The following ANKRD33 variants were observed in gnomAD, a reference collection of about 807,000 sequenced individuals.
ANKRD33 encodes photoreceptor ankyrin repeat protein.
In ANKRD33, 20 loss-of-function variants were observed where a neutral mutation model predicts 20.6. That is an observed-to-expected ratio of 0.97 (90% CI 0.68 to 1.41). The LOEUF (loss-of-function observed/expected upper bound fraction) is 1.41, where lower values mean the gene tolerates loss of function less well. Ranked by LOEUF, ANKRD33 falls within the 40% of genes most tolerant of loss-of-function variation. The pLI is 0.00. For missense variants in ANKRD33, 545 were observed against 579.6 expected (o/e 0.94, Z 0.61); for synonymous variants, 246 against 245.0 (o/e 1.00, Z -0.04).
Position 51,891,389 on chromosome 12 carries a change from C to A in ANKRD33, c.*84C>A. 6.6e-7 allele frequency: 1 copy of A among 1,504,146 alleles called. No individual in the cohort carries two copies. The highest frequency in any genetic ancestry group is 1.3e-5 in the South Asian group (1 of 77,694). The allele number at this position is 1,504,146 out of a possible 1,614,324, so 93.2% of individuals were successfully genotyped here. A position where few individuals can be genotyped will look rare whatever the true frequency, so the allele number is the denominator to read the frequency against. ...TCCCCTCTGGAGTGCCTCCGGCCTCCCCATCCACCTCTGCCTAAGTAAATC... is the reference window on the plus strand; with the variant it reads ...TCCCCTCTGGAGTGCCTCCGGCCTCACCATCCACCTCTGCCTAAGTAAATC... On this transcript the variant is annotated 3_prime_UTR_variant, in exon 5 of 5. Coordinates refer to ENST00000301190, the MANE Select transcript of ANKRD33 (RefSeq NM_182608.4).
In ANKRD33 at chr12:51,891,413, TC is replaced by T. The variant is rs1182369559; in HGVS notation, c.*109del. The stretch of plus-strand genomic sequence containing the variant: ...CCCCATCCACCTCTGCCTAAGTAAA[TC>T]TGCTCTCAACCTATATATATACAAG... On this transcript the variant is annotated 3_prime_UTR_variant, in exon 5 of 5. Coordinates refer to ENST00000301190, the MANE Select transcript of ANKRD33 (RefSeq NM_182608.4). 2.8e-6 allele frequency: 4 copies of T among 1,450,180 alleles called. No individual in the cohort carries two copies. Among genetic ancestry groups the T allele is most frequent in the Non-Finnish European group, 2.7e-6 (3 of 1,098,326 alleles). 89.8% of individuals were successfully genotyped at this position (1,450,180 alleles called of 1,614,324 possible). A position where few individuals can be genotyped will look rare whatever the true frequency, so the allele number is the denominator to read the frequency against.
In ANKRD33 at chr12:51,891,495, C is replaced by T. The variant is rs1250059530; in HGVS notation, c.*190C>T. The T allele has an allele frequency of 3.0e-6, 3 of 996,866 alleles. No individual in the cohort carries two copies. In the African/African-American group the frequency reaches 4.9e-5, roughly 16 times the overall value. 61.8% of individuals were successfully genotyped at this position (996,866 alleles called of 1,614,324 possible). ...GAAAGAGTGGAAACACCCGAAGTGTCCATCAGTAAGGGACAGGCTAGATTG... is the reference window on the plus strand; with the variant it reads ...GAAAGAGTGGAAACACCCGAAGTGTTCATCAGTAAGGGACAGGCTAGATTG... On this transcript the variant is annotated 3_prime_UTR_variant, in exon 5 of 5. Coordinates refer to ENST00000301190, the MANE Select transcript of ANKRD33 (RefSeq NM_182608.4).
chr12:51,890,661 A>G lies in ANKRD33; in HGVS notation c.715A>G (p.Thr239Ala), dbSNP rs747283690. ...EWAVLTDSFD[T>A]VWRIRQLLRR... ...GGCAGTGCTGACCGACAGCTTCGACACCGTGTGGAGGATTCGGCAGCTGCT... is the reference window on the plus strand; with the variant it reads ...GGCAGTGCTGACCGACAGCTTCGACGCCGTGTGGAGGATTCGGCAGCTGCT... Residue 239 changes from threonine (T) to alanine (A), a missense_variant, in exon 5 of 5, where the codon ACC (threonine) becomes GCC (alanine). Transcript: ENST00000301190. 1 of 1,607,646 alleles carries G rather than the reference A, an allele frequency of 6.2e-7. No individual in the cohort carries two copies. Among genetic ancestry groups the G allele is most frequent in the Non-Finnish European group, 8.5e-7 (1 of 1,179,986 alleles).
At chr12:51,888,982 T>G in intron 2 of ANKRD33, 85 bp from the exon 3 acceptor site, 1 of 1,596,252 alleles carries the variant, frequency 6.3e-7, no homozygotes, top group Admixed American at 1.7e-5. Context: ...GGGCAGGCTC[T>G]GGGACAGATA....
At position 51,888,190 on chromosome 12, in the gene ANKRD33, A is replaced by G. The variant is rs1272320651; in HGVS notation, c.4A>G (p.Lys2Glu). The G allele has an allele frequency of 5.0e-6, 8 of 1,613,714 alleles. No homozygotes were observed. In the Admixed American group the frequency reaches 1.3e-4, roughly 27 times the overall value. The change falls in exon 1 of 5, where the codon AAA becomes GAA. Residue 2 changes from lysine (K) to glutamate (E), a missense_variant. By Grantham distance (56) the Lys-to-Glu change is moderately conservative (BLOSUM62 1). Transcript: ENST00000301190. M[K>E]VQPSVTCVAS... ...GAGGTGTTTGCAGCAGCTCTTTATG[A>G]AAGTCCAGCCATCTGTTACCTGCGT...
chr12:51,891,197 G>A lies in ANKRD33; in HGVS notation c.1251G>A (p.Lys417=). ...CATCCTCCCACCAGTGCCAGCCGAA[G>A]CCCAGTCCTTCAGGACACCAAAGTC... ...ASSSSHQCQP[K]PSPSGHQSLA... is the part of the protein sequence containing the mutation. The change falls in exon 5 of 5, where the codon AAG becomes AAA. Residue 417 remains lysine (K), a synonymous_variant. Transcript: ENST00000301190. 1.2e-6 allele frequency: 2 copies of A among 1,614,274 alleles called. No homozygotes were observed. Among genetic ancestry groups the A allele is most frequent in the South Asian group, 1.1e-5 (1 of 91,088 alleles).
rs749504848 is a variant in ANKRD33, at chr12:51,888,697, C to T, written c.275C>T (p.Pro92Leu). 6.2e-7 allele frequency: 1 copy of T among 1,613,450 alleles called. No individual in the cohort carries two copies. Among genetic ancestry groups the T allele is most frequent in the Admixed American group, 1.7e-5 (1 of 59,894 alleles). Residue 92 changes from proline (P) to leucine (L), a missense_variant, in exon 2 of 5, where the codon CCA becomes CTA. Pro to Leu is a moderately conservative substitution (Grantham distance 98). Coordinates refer to ENST00000301190, the MANE Select transcript of ANKRD33 (RefSeq NM_182608.4). The part of the protein sequence containing the change: ...LPCPGKETPT[P>L]GCRLGALYWA... ...TGCCCGGGCAAGGAGACCCCCACCCCAGGCTGCAGGCTGGGGGCCCTGTAT... is the reference window on the plus strand; with the variant it reads ...TGCCCGGGCAAGGAGACCCCCACCCTAGGCTGCAGGCTGGGGGCCCTGTAT...
At chr12:51,889,593 T>C in intron 4 of ANKRD33, 111 bp downstream of exon 4, 1 of 1,478,946 alleles carries the variant, frequency 6.8e-7, no homozygotes, top group Non-Finnish European at 9.0e-7. Flanking sequence ...CAGCTGTGAT[T>C]ATTTGCAGAA....
At chr12:51,889,802 C>T (rs1046329300) in intron 4 of ANKRD33, 7 of 417,820 alleles carry the variant, frequency 1.7e-5, no homozygotes, top group Non-Finnish European at 3.0e-5. Flanking sequence ...GCATCTGGAA[C>T]CAGCCCCTGT....
At position 51,888,304 on chromosome 12, in the gene ANKRD33, T is replaced by A; in HGVS notation, c.118T>A (p.Cys40Ser). The A allele has an allele frequency of 6.2e-7, 1 of 1,612,470 alleles. No individual in the cohort carries two copies. Among genetic ancestry groups the A allele is most frequent in the South Asian group, 1.1e-5 (1 of 91,056 alleles). The change falls in exon 1 of 5, where the codon TGC becomes AGC. Residue 40 changes from cysteine (C) to serine (S), a missense_variant. Physicochemically the swap from Cys to Ser is moderately radical, Grantham distance 112. Transcript: ENST00000301190. ...AGCCTGGGCTGTGCCCCGCGTTGACTGCCTCATAGATACCCTACGAACCCC... is the reference window on the plus strand; with the variant it reads ...AGCCTGGGCTGTGCCCCGCGTTGACAGCCTCATAGATACCCTACGAACCCC... ...RGAWAVPRVD[C>S]LIDTLRTPNA...
Position 51,891,071 on chromosome 12 carries a change from C to T in ANKRD33, c.1125C>T (p.Ser375=), listed in dbSNP as rs758185417. The T allele has an allele frequency of 2.5e-6, 4 of 1,614,064 alleles. No individual in the cohort carries two copies. The highest frequency in any genetic ancestry group is 3.4e-6 in the Non-Finnish European group (4 of 1,180,004). The change falls in exon 5 of 5, where the codon AGC becomes AGT. Residue 375 remains serine, a synonymous_variant. Transcript: ENST00000301190. ...RSPWVFVPYQ[S]PQGILSKCLQ... Reference sequence around the variant, plus strand: ...CGTGGGTCTTCGTCCCCTACCAGAGCCCTCAGGGCATATTGAGCAAGTGCC... The same window carrying T: ...CGTGGGTCTTCGTCCCCTACCAGAGTCCTCAGGGCATATTGAGCAAGTGCC...
Position 51,891,452 on chromosome 12 carries a change from A to T in ANKRD33, c.*147A>T. The T allele has an allele frequency of 1.5e-6, 2 of 1,329,266 alleles. No individual in the cohort carries two copies. Among genetic ancestry groups the T allele is most frequent in the Non-Finnish European group, 1.0e-6 (1 of 1,002,580 alleles). The allele number at this position is 1,329,266 out of a possible 1,614,324, so 82.3% of individuals were successfully genotyped here. The stretch of plus-strand genomic sequence containing the variant: ...ATATATATACAAGGTCATTCATTCT[A>T]GCATTGTTTGCAAGAGTGAAAGAGT... On this transcript the variant is annotated 3_prime_UTR_variant, in exon 5 of 5. Coordinates refer to ENST00000301190, the MANE Select transcript of ANKRD33 (RefSeq NM_182608.4).
At chr12:51,889,990 A>T (rs562114688) in intron 4 of ANKRD33, 1 of 224,206 alleles carries the variant, frequency 4.5e-6, no homozygotes, top group Non-Finnish European at 9.0e-6. Flanking sequence ...CACATTGTCC[A>T]TGGAGTTGTT....
At position 51,890,894 on chromosome 12, in the gene ANKRD33, C is replaced by G; in HGVS notation, c.948C>G (p.Ala316=). The G allele has an allele frequency of 6.2e-7, 1 of 1,613,470 alleles. No individual in the cohort carries two copies. The highest frequency in any genetic ancestry group is 1.1e-5 in the South Asian group (1 of 91,082). Residue 316 remains alanine (A), a synonymous_variant, in exon 5 of 5, where the codon GCC becomes GCG. Coordinates refer to ENST00000301190, the MANE Select transcript of ANKRD33 (RefSeq NM_182608.4). ...DHLVTATTSL[A]SPFVTTACHT... The stretch of plus-strand genomic sequence containing the variant: ...TTGTGACTGCCACAACCAGCCTGGC[C>G]AGTCCCTTCGTCACCACTGCCTGCC...
chr12:51,889,236 T>C (rs780483031), intron 3 of ANKRD33, 40 bp downstream of exon 3: 1 of 1,613,760 alleles, frequency 6.2e-7, no homozygotes, highest in East Asian at 2.2e-5. Flanking sequence ...AGCCCCCTTT[T>C]GATGCAGACA....
chr12:51,889,575 C>T (rs1940342825), intron 4 of ANKRD33, 93 bp downstream of exon 4: 1 of 1,516,222 alleles, frequency 6.6e-7, no homozygotes, highest in Admixed American at 2.2e-5. Flanking sequence ...TCCCACCAGA[C>T]ACTAAGTCAG....
In ANKRD33 at chr12:51,891,659, A is replaced by C. The variant is rs74492597; in HGVS notation, c.*354A>C. 0.071 allele frequency: 19,920 copies of C among 278,636 alleles called. 988 individuals are homozygous for C. The highest frequency in any genetic ancestry group is 0.17 in the Admixed American group (3,598 of 21,080). The allele number at this position is 278,636 out of a possible 1,614,324, so 17.3% of individuals were successfully genotyped here. On this transcript the variant is annotated 3_prime_UTR_variant, in exon 5 of 5. Coordinates refer to ENST00000301190, the MANE Select transcript of ANKRD33 (RefSeq NM_182608.4). ...AGTAAAAATAACTAAGGAGTGGAACAGTGTATATGGCATATTATTATTTGT... is the reference window on the plus strand; with the variant it reads ...AGTAAAAATAACTAAGGAGTGGAACCGTGTATATGGCATATTATTATTTGT...
chr12:51,890,188 G>T (rs555093839), intron 4 of ANKRD33: 1 of 374,058 alleles, frequency 2.7e-6, no homozygotes, highest in African/African-American at 2.1e-5. Context: ...CCCCAAGATG[G>T]GAGAGGGAGA....
rs760646467 is a variant in ANKRD33, at chr12:51,891,177, TCCCAC to T, written c.1233_1237del (p.His412ValfsTer52). On this transcript the variant is annotated frameshift_variant, in exon 5 of 5. Transcript: ENST00000301190. LOFTEE classifies it low-confidence loss of function (END_TRUNC). ...CCTCCTCTCCAAGGCATCCTCATCC[TCCCAC>T]CAGTGCCAGCCGAAGCCCAGTCCTT... 3 of 1,614,136 alleles carry T rather than the reference TCCCAC, an allele frequency of 1.9e-6. No homozygotes were observed. The highest frequency in any genetic ancestry group is 2.5e-6 in the Non-Finnish European group (3 of 1,180,014).
Sources: gnomAD v4.1 joint callset for allele counts on GRCh38, gnomAD v4.1.1 for gene constraint, MANE v1.5 for transcripts, NCBI Gene and HGNC (gene_info 2026-07-23, HGNC 2026-07-21) for gene names.